The following ADAM33 variants were observed in gnomAD, a reference collection of about 807,000 sequenced individuals.
ADAM33 encodes the protein ADAM metallopeptidase domain 33.
In ADAM33, 103 loss-of-function variants were observed where a neutral mutation model predicts 106.2. The ratio of observed to expected loss-of-function variants is 0.97; its 90% CI spans 0.83 to 1.14. The LOEUF (loss-of-function observed/expected upper bound fraction) is 1.14. ADAM33 is among the 50% of genes most tolerant of loss of function. ADAM33 has a pLI of 0.00. For missense variants in ADAM33, 1,120 were observed against 1,096.6 expected (o/e 1.02, Z -0.30); for synonymous variants, 483 against 453.0 (o/e 1.07, Z -0.84).
chr20:3,671,594 C>A lies in ADAM33; in HGVS notation c.1892G>T (p.Cys631Phe), dbSNP rs1334863089. The change falls in exon 16 of 22, where the codon TGT becomes TTT. Residue 631 changes from cysteine to phenylalanine, a missense_variant. Transcript: ENST00000356518. The stretch of plus-strand genomic sequence containing the variant: ...GGCAGAGCTCACCATTCTAGGTCCA[C>A]ACTGGGTGCCTGGCTCTACCAGGCC... ...GLGLVEPGTQ[C>F]GPRMVCQSRR... 1.3e-6 allele frequency: 2 copies of A among 1,591,610 alleles called. No homozygotes were observed. The highest frequency in any genetic ancestry group is 1.7e-6 in the Non-Finnish European group (2 of 1,168,900).
rs1437641965 is a variant in ADAM33 at position 3,672,038 on chromosome 20, C to T, written c.1598-53G>A. 2.4e-5 allele frequency: 37 copies of T among 1,554,114 alleles called. No individual in the cohort carries two copies. In the East Asian group the frequency reaches 3.4e-4, roughly 14 times the overall value. On this transcript the variant is annotated intron_variant, in intron 14 of 21. Coordinates refer to ENST00000356518, the MANE Select transcript of ADAM33 (RefSeq NM_025220.5). The stretch of plus-strand genomic sequence containing the variant: ...CAGCTCGGAGAGGGGCTGCGCTCAG[C>T]GGGCCTCAGTTTCCCCTGCCCATCT...
In ADAM33 at chr20:3,669,427, G is replaced by T; in HGVS notation, c.2333-57C>A. On this transcript the variant is annotated intron_variant, in intron 20 of 21. Coordinates refer to ENST00000356518, the MANE Select transcript of ADAM33 (RefSeq NM_025220.5). ...AATATGGTCAGCAGGAGCCCCTGGGGCTGGGGAGGGGCATAGGGGACTCAA... is the reference window on the plus strand; with the variant it reads ...AATATGGTCAGCAGGAGCCCCTGGGTCTGGGGAGGGGCATAGGGGACTCAA... The T allele has an allele frequency of 3.8e-6, 6 of 1,562,684 alleles. No individual in the cohort carries two copies. In the South Asian group the frequency reaches 6.0e-5, roughly 15 times the overall value.
rs1436003679 is a variant in ADAM33, at chr20:3,675,715, C to T, written c.255-610G>A. Among the ~76,000 whole-genome samples the T allele has an allele frequency of 1.3e-5, 2 of 152,286 alleles. No homozygotes were observed. Among genetic ancestry groups the T allele is most frequent in the African/African-American group, 2.4e-5 (1 of 41,544 alleles). Reference sequence around the variant, plus strand: ...CTCCCTGCCTTCTCCACACCCACTCCGGTAATGATTCCATCTTCAGGCTCC... The same window carrying T: ...CTCCCTGCCTTCTCCACACCCACTCTGGTAATGATTCCATCTTCAGGCTCC... On this transcript the variant is annotated intron_variant, in intron 3 of 21. Coordinates refer to ENST00000356518, the MANE Select transcript of ADAM33 (RefSeq NM_025220.5). This position sits in a 1 kb window ranked among gnomAD's most constrained non-coding sequence, Gnocchi z 4.1.
rs369283635 is a variant in ADAM33 at position 3,668,943 on chromosome 20, T to C, written c.*20A>G. The C allele has an allele frequency of 8.7e-6, 14 of 1,613,438 alleles. No homozygotes were observed. The highest frequency in any genetic ancestry group is 1.0e-5 in the Non-Finnish European group (12 of 1,179,582). ...CAGTGGCCACCTGTCTTTAAATCTG[T>C]TCATTTTAGGAGCTACCTCTCACCA... On this transcript the variant is annotated 3_prime_UTR_variant, in exon 22 of 22. Transcript: ENST00000356518.
intron 2 of ADAM33, 32 bp downstream of exon 2, chr20:3,679,460 C>T (rs1186847379): frequency 1.9e-6 from 3 of 1,584,554 alleles, no homozygotes; most frequent in East Asian, 2.3e-5. Context: ...GGTTCAGGGC[C>T]CCTGTGGAGG....
chr20:3,677,689 C>T lies in ADAM33; in HGVS notation c.178-546G>A, dbSNP rs534269745. ...GTTTTCCTGGGCCTCCAGCAGCCCC[C>T]GTCCCTCCGGCTCCGACACCTGCTT... On this transcript the variant is annotated intron_variant, in intron 2 of 21. Transcript: ENST00000356518. 7.2e-5 allele frequency among the ~76,000 whole-genome samples: 11 copies of T among 152,294 alleles called. No individual in the cohort carries two copies. In the East Asian group the frequency reaches 9.7e-4, roughly 13 times the overall value.
At position 3,671,176 on chromosome 20, in the gene ADAM33, C is replaced by T. The variant is rs200813015; in HGVS notation, c.2093-23G>A. ...GGTCTGCGGGGATTGGGGGAAGGGG[C>T]GCTGAGTCCTGAGCAGGTGCACCAC... On this transcript the variant is annotated intron_variant, in intron 18 of 21. Transcript: ENST00000356518. 58 of 1,613,110 alleles carry T rather than the reference C, an allele frequency of 3.6e-5. No individual in the cohort carries two copies. In the East Asian group the frequency reaches 7.6e-4, roughly 21 times the overall value.
At chr20:3,680,368 A>G (rs980142220) in intron 1 of ADAM33, among the ~76,000 whole-genome samples, 4 of 152,032 alleles carry the variant, frequency 2.6e-5, no homozygotes, top group African/African-American at 9.7e-5. Flanking sequence ...AGCTCCCAGA[A>G]CAGACAGCCT....
At chr20:3,669,979 C>G (rs1439246552) in intron 19 of ADAM33, 3 of 469,416 alleles carry the variant, frequency 6.4e-6, no homozygotes, top group Non-Finnish European at 1.2e-5. Context: ...TATGTCTGCT[C>G]TCCTTGCCCC....
intron 1 of ADAM33, 39 bp from the exon 2 acceptor site, chr20:3,679,610 G>A: frequency 6.4e-7 from 1 of 1,554,400 alleles, no homozygotes; most frequent in Non-Finnish European, 8.8e-7. Flanking sequence ...GGGGACCTGA[G>A]GAACACAGGG....
rs2087742220 is a variant in ADAM33 at position 3,673,807 on chromosome 20, G to A, written c.843C>T (p.Ala281=). 2 of 1,544,522 alleles carry A rather than the reference G, an allele frequency of 1.3e-6. No homozygotes were observed. Among genetic ancestry groups the A allele is most frequent in the African/African-American group, 2.7e-5 (2 of 73,728 alleles). ...VTQDANATLW[A]FLQWRRGLWA... ...ACAGCCCCCGGCGCCACTGCAGGAA[G>A]GCCCAGAGCGTGGCGTTGGCGTCCT... The change falls in exon 9 of 22, where the codon GCC becomes GCT. Residue 281 remains alanine (A), a synonymous_variant. Coordinates refer to ENST00000356518, the MANE Select transcript of ADAM33 (RefSeq NM_025220.5).
rs535494753 is a variant in ADAM33, at chr20:3,678,189, C to G, written c.178-1046G>C. Among the ~76,000 whole-genome samples the G allele has an allele frequency of 5.3e-5, 8 of 152,376 alleles. No individual in the cohort carries two copies. In the South Asian group the frequency reaches 1.7e-3, roughly 32 times the overall value. ...ACTCGAGGTCCCTGTTCCTCTGCAG[C>G]CCCTGCTATCTTTACTCTTGCCCTC... On this transcript the variant is annotated intron_variant, in intron 2 of 21. Transcript: ENST00000356518.
At chr20:3,669,915 A>T (rs2087421499) in intron 19 of ADAM33, 1 of 563,552 alleles carries the variant, frequency 1.8e-6, no homozygotes, top group Admixed American at 3.0e-5. Flanking sequence ...CACTCTCCAG[A>T]TGCTGGCATC....
chr20:3,675,210 T>C lies in ADAM33; in HGVS notation c.255-105A>G. On this transcript the variant is annotated intron_variant, in intron 3 of 21. Coordinates refer to ENST00000356518, the MANE Select transcript of ADAM33 (RefSeq NM_025220.5). The surrounding 1 kb of genome is among the most constrained non-coding windows in gnomAD (Gnocchi z 4.1). ...AATGCTAATGGAGCAGCTTTATGAG[T>C]GAGACACTCACAGTGTGTCTTAGGG... 3.7e-6 allele frequency: 3 copies of C among 819,192 alleles called. No individual in the cohort carries two copies. The highest frequency in any genetic ancestry group is 2.9e-4 in the Middle Eastern group (1 of 3,454). The allele number at this position is 819,192 out of a possible 1,614,324, so 50.7% of individuals were successfully genotyped here. A position where few individuals can be genotyped will look rare whatever the true frequency, so the allele number is the denominator to read the frequency against.
intron 11 of ADAM33, 30 bp downstream of exon 11, chr20:3,673,324 C>A (rs1244109948): frequency 2.0e-6 from 3 of 1,536,288 alleles, no homozygotes; most frequent in South Asian, 2.4e-5. Flanking sequence ...CTAGCCGCCC[C>A]GCCGCAGCCC....
At position 3,677,056 on chromosome 20, in the gene ADAM33, C is replaced by G; in HGVS notation, c.254+11G>C. On this transcript the variant is annotated intron_variant, in intron 3 of 21. Coordinates refer to ENST00000356518, the MANE Select transcript of ADAM33 (RefSeq NM_025220.5). ...CCCCTCCTCCCAGCCCTACCCCAGC[C>G]TGGCACTCACTGGTTCTTCTCCAGC... The G allele has an allele frequency of 1.2e-6, 2 of 1,612,498 alleles. No homozygotes were observed. The highest frequency in any genetic ancestry group is 1.7e-6 in the Non-Finnish European group (2 of 1,179,722).
intron 19 of ADAM33, chr20:3,670,622 G>A (rs598418): frequency 0.62 from 128,474 of 207,454 alleles, 40,193 homozygotes; most frequent in South Asian, 0.71. Context: ...GCAAAGGGCC[G>A]AAAACTGGTG....
At chr20:3,674,897 G>A (rs1158998641) in intron 4 of ADAM33, 48 bp from the exon 5 acceptor site, 3 of 1,607,504 alleles carry the variant, frequency 1.9e-6, no homozygotes, top group South Asian at 1.1e-5. Flanking sequence ...GCTGGAGCAA[G>A]AGGGGCAAGA....
intron 1 of ADAM33, among the ~76,000 whole-genome samples, chr20:3,680,022 T>C (rs1049894842): frequency 6.6e-5 from 10 of 152,140 alleles, no homozygotes; most frequent in Non-Finnish European, 1.5e-5. Context: ...AACAGCCAGA[T>C]GTTGCCTTGC....
Sources: gnomAD v4.1 joint callset for allele counts (sites outside exome capture counted in the v4.1 genomes callset) on GRCh38, gnomAD v4.1.1 for gene constraint, Gnocchi (gnomAD v3.1) non-coding constraint, MANE v1.5 for transcripts, NCBI Gene and HGNC (gene_info 2026-07-23, HGNC 2026-07-21) for gene names.